The following PDILT variants were observed in gnomAD, a reference collection of about 807,000 sequenced individuals.
PDILT encodes the protein protein disulfide isomerase like, testis expressed.
A neutral mutation model predicts 53.7 loss-of-function variants in PDILT; 43 were observed. The observed-to-expected ratio is 0.80, with a 90% CI of 0.63 to 1.03. The LOEUF is 1.03. PDILT is among the 50% of genes least tolerant of loss of function. The pLI is 0.00. For missense variants in PDILT, 727 were observed against 712.3 expected (o/e 1.02, Z -0.24); for synonymous variants, 282 against 274.2 (o/e 1.03, Z -0.28).
chr16:20,373,048 C>A lies in PDILT; in HGVS notation c.756G>T (p.Gln252His), dbSNP rs766151520. 6.2e-7 allele frequency: 1 copy of A among 1,614,078 alleles called. No homozygotes were observed. The highest frequency in any genetic ancestry group is 1.1e-5 in the South Asian group (1 of 91,078). ...ATTCGATCACAAAATCTGTAAGGTG[C>A]TGTTTTATGACACGATTGAGTTCCT... ...NKQELNRVIK[Q>H]HLTDFVIEYN... Residue 252 changes from glutamine to histidine, a missense_variant, in exon 6 of 12, where the codon CAG (glutamine) becomes CAT (histidine). Coordinates refer to ENST00000302451, the MANE Select transcript of PDILT (RefSeq NM_174924.2).
At chr16:20,380,705 T>C (rs1359988780) in intron 3 of PDILT, among the ~76,000 whole-genome samples, 1 of 152,216 alleles carries the variant, frequency 6.6e-6, no homozygotes, top group Non-Finnish European at 1.5e-5. Flanking sequence ...CACTAGCTTG[T>C]TCAGTGTGAG....
chr16:20,365,348 A>G, intron 9 of PDILT, 72 bp downstream of exon 9: 2 of 1,563,836 alleles, frequency 1.3e-6, no homozygotes, highest in Non-Finnish European at 1.8e-6. Context: ...TCAGTGCCCA[A>G]CAATTCAGGA....
chr16:20,403,890 G>A (rs1056571456), intron 1 of PDILT, among the ~76,000 whole-genome samples: 3 of 151,830 alleles, frequency 2.0e-5, no homozygotes, highest in East Asian at 3.9e-4. Flanking sequence ...CCCTCACATC[G>A]TCAGCCTTTT....
At chr16:20,381,413 G>A (rs1161650905) in intron 3 of PDILT, among the ~76,000 whole-genome samples, 1 of 152,074 alleles carries the variant, frequency 6.6e-6, no homozygotes, top group African/African-American at 2.4e-5. Context: ...GAGACAGGTG[G>A]ATCATGAAAT....
intron 3 of PDILT, among the ~76,000 whole-genome samples, chr16:20,378,892 A>T (rs1966423000): frequency 6.6e-6 from 1 of 152,086 alleles, no homozygotes; most frequent in Admixed American, 6.5e-5. Context: ...CTCTGGTTTC[A>T]TTATGTTTGT....
chr16:20,378,031 T>A (rs544085721), intron 3 of PDILT, among the ~76,000 whole-genome samples: 1 of 152,020 alleles, frequency 6.6e-6, no homozygotes, highest in South Asian at 2.1e-4. Flanking sequence ...GGGAAAGTCT[T>A]CTAGGAGAAA....
Position 20,365,436 on chromosome 16 carries a change from G to A in PDILT, c.1221C>T (p.Asp407=), listed in dbSNP as rs774036878. 3.7e-6 allele frequency: 6 copies of A among 1,613,742 alleles called. No individual in the cohort carries two copies. In the East Asian group the frequency reaches 6.7e-5, roughly 18 times the overall value. Reference sequence around the variant, plus strand: ...GATACTTACAGAACATCACAAATACGTCCTTTTCTTTGTCAAAGACGACTA... The same window carrying A: ...GATACTTACAGAACATCACAAATACATCCTTTTCTTTGTCAAAGACGACTA... ...FNVVVFDKEK[D]VFVMFYAPWS... is the part of the protein sequence containing the mutation. The change falls in exon 9 of 12, where the codon GAC becomes GAT. Residue 407 remains aspartate, a synonymous_variant. Coordinates refer to ENST00000302451, the MANE Select transcript of PDILT (RefSeq NM_174924.2).
chr16:20,366,090 CAAA>C (rs34816350), intron 8 of PDILT, among the ~76,000 whole-genome samples: 10 of 72,274 alleles, frequency 1.4e-4, no homozygotes, highest in Admixed American at 4.8e-4. Flanking sequence ...ATTTCGTCTC[CAAA>C]AAAAAAAAAA....
rs890798506 is a variant in PDILT, at chr16:20,393,526, T to C, written c.202+5573A>G. 3.3e-5 allele frequency among the ~76,000 whole-genome samples: 5 copies of C among 152,200 alleles called. No individual in the cohort carries two copies. The East Asian group carries it at 9.6e-4, about 29-fold the overall frequency. On this transcript the variant is annotated intron_variant, in intron 2 of 11. Coordinates refer to ENST00000302451, the MANE Select transcript of PDILT (RefSeq NM_174924.2). ...TGTTAACGGTAGAAAAAGAAGGTGATTCATGCTTCTATGAAGTGGCAGCAT... is the reference window on the plus strand; with the variant it reads ...TGTTAACGGTAGAAAAAGAAGGTGACTCATGCTTCTATGAAGTGGCAGCAT...
chr16:20,367,947 G>A (rs966222527), intron 8 of PDILT, among the ~76,000 whole-genome samples: 2 of 152,108 alleles, frequency 1.3e-5, no homozygotes, highest in Non-Finnish European at 2.9e-5. Flanking sequence ...GTATACAGGA[G>A]GTGGAAGATG....
chr16:20,388,312 C>T (rs1164406150), intron 2 of PDILT, among the ~76,000 whole-genome samples: 3 of 152,128 alleles, frequency 2.0e-5, no homozygotes, highest in East Asian at 3.9e-4. Context: ...TCAGAACAAT[C>T]CTGTGAGTTA....
At chr16:20,360,218 G>A (rs1365659068) in intron 11 of PDILT, among the ~76,000 whole-genome samples, 2 of 152,220 alleles carry the variant, frequency 1.3e-5, no homozygotes, top group Admixed American at 6.5e-5. Flanking sequence ...GGCATGGCTA[G>A]GGGAGAAAGG....
chr16:20,364,601 TTAAAA>T (rs1417423499), intron 9 of PDILT, among the ~76,000 whole-genome samples: 1 of 152,152 alleles, frequency 6.6e-6, no homozygotes, highest in Non-Finnish European at 1.5e-5. Flanking sequence ...TCATTAAATG[TTAAAA>T]TAAAAGAAAT....
rs115683042 is a variant in PDILT, at chr16:20,400,158, T to C, written c.-7-851A>G. 5.9e-3 allele frequency among the ~76,000 whole-genome samples: 897 copies of C among 151,872 alleles called. 11 individuals are homozygous for C. Among genetic ancestry groups the C allele is most frequent in the African/African-American group, 0.02 (847 of 41,380 alleles). On this transcript the variant is annotated intron_variant, in intron 1 of 11. Coordinates refer to ENST00000302451, the MANE Select transcript of PDILT (RefSeq NM_174924.2). ...CTCACTGCGACCTCTGCATCCTGGGTTCCAGAGGCTCACCCTAGTGATCCT... is the reference window on the plus strand; with the variant it reads ...CTCACTGCGACCTCTGCATCCTGGGCTCCAGAGGCTCACCCTAGTGATCCT...
chr16:20,381,036 G>A, intron 3 of PDILT, among the ~76,000 whole-genome samples: 1 of 152,256 alleles, frequency 6.6e-6, no homozygotes, highest in Non-Finnish European at 1.5e-5. Flanking sequence ...TGATTGACTA[G>A]GACCAGCACT....
rs1966063562 is a variant in PDILT at position 20,359,362 on chromosome 16, G to A, written c.1712C>T (p.Pro571Leu). Residue 571 changes from proline to leucine, a missense_variant, in exon 12 of 12, where the codon CCT becomes CTT. By Grantham distance (98) the Pro-to-Leu change is moderately conservative. Coordinates refer to ENST00000302451, the MANE Select transcript of PDILT (RefSeq NM_174924.2). ...VVVVVAKPKGPPVQKKKPKVK... is the reference protein window; with the variant it reads ...VVVVVAKPKGLPVQKKKPKVK... The stretch of plus-strand genomic sequence containing the variant: ...TTTTGGTTTCTTCTTTTGCACTGGA[G>A]GTCCCTTTGGCTTAGCCACCACCAC... The A allele has an allele frequency of 1.9e-6, 3 of 1,614,152 alleles. No homozygotes were observed. Among genetic ancestry groups the A allele is most frequent in the Non-Finnish European group, 1.7e-6 (2 of 1,180,038 alleles).
At chr16:20,370,909 A>G (rs1327178140) in intron 7 of PDILT, among the ~76,000 whole-genome samples, 1 of 152,226 alleles carries the variant, frequency 6.6e-6, no homozygotes, top group African/African-American at 2.4e-5. Flanking sequence ...ATATGGTCTA[A>G]AAAGGGGAAG....
intron 3 of PDILT, among the ~76,000 whole-genome samples, chr16:20,378,045 C>T (rs1453910382): frequency 1.3e-5 from 2 of 152,056 alleles, no homozygotes; most frequent in East Asian, 1.9e-4. Context: ...GGAGAAACAG[C>T]CTATACAAAG....
intron 2 of PDILT, among the ~76,000 whole-genome samples, chr16:20,395,740 C>T (rs1381266839): frequency 1.3e-5 from 2 of 152,148 alleles, no homozygotes; most frequent in African/African-American, 4.8e-5. Flanking sequence ...ACCAAGGTAA[C>T]GAGTGAGTTC....
Sources: gnomAD v4.1 joint callset for allele counts (sites outside exome capture counted in the v4.1 genomes callset) on GRCh38, gnomAD v4.1.1 for gene constraint, MANE v1.5 for transcripts, NCBI Gene and HGNC (gene_info 2026-07-23, HGNC 2026-07-21) for gene names.